The following SST variants were observed in gnomAD, a reference collection of about 807,000 sequenced individuals.
SST encodes the protein growth hormone release-inhibiting factor.
In SST, 7 loss-of-function variants were observed where a neutral mutation model predicts 10.4. The observed-to-expected ratio is 0.67, with a 90% CI of 0.38 to 1.26. The LOEUF (loss-of-function observed/expected upper bound fraction) is 1.26, where lower values mean the gene tolerates loss of function less well. SST is among the 50% of genes most tolerant of loss of function. SST has a pLI of 0.02. For synonymous variants in SST, 63 were observed against 63.9 expected (o/e 0.99, Z 0.07); for missense variants, 145 against 140.8 (o/e 1.03, Z -0.15).
At chr3:187,669,330 A>G in intron 1 of SST, 53 bp from the exon 2 acceptor site, 1 of 1,555,152 alleles carries the variant, frequency 6.4e-7, no homozygotes, top group Non-Finnish European at 8.8e-7. Context: ...GGGGAGGACA[A>G]TGGAAAAAAT....
At chr3:187,669,607 TAA>T (rs1198910869) in intron 1 of SST, among the ~76,000 whole-genome samples, 1 of 151,324 alleles carries the variant, frequency 6.6e-6, no homozygotes, top group African/African-American at 2.4e-5. Flanking sequence ...TCTGGTAAGA[TAA>T]AGTGTGTGCC....
chr3:187,669,991 T>C (rs1421333089), intron 1 of SST, among the ~76,000 whole-genome samples, 163 bp downstream of exon 1: 1 of 152,220 alleles, frequency 6.6e-6, no homozygotes, highest in East Asian at 1.9e-4. Context: ...AAGGGGATTC[T>C]AGCCTTTGAT....
chr3:187,670,380 CCTAA>C lies in SST; in HGVS notation c.-93_-90del. The C allele has an allele frequency of 4.2e-6, 6 of 1,436,880 alleles. No individual in the cohort carries two copies. Among genetic ancestry groups the C allele is most frequent in the Non-Finnish European group, 5.6e-6 (6 of 1,072,164 alleles). 89.0% of individuals were successfully genotyped at this position (1,436,880 alleles called of 1,614,324 possible). ...AGCAGCGATGGCTCCGAACCTCGCT[CCTAA>C]AGCGGCTTGTGTGCTCTCAACCGTC... On this transcript the variant is annotated 5_prime_UTR_variant, in exon 1 of 2. Transcript: ENST00000287641.
intron 1 of SST, 84 bp from the exon 2 acceptor site, chr3:187,669,361 A>G: frequency 7.3e-7 from 1 of 1,366,212 alleles, no homozygotes; most frequent in Non-Finnish European, 1.0e-6. Flanking sequence ...TAAATTAAAG[A>G]ACAGATTTGG....
intron 1 of SST, among the ~76,000 whole-genome samples, chr3:187,669,560 A>ACG (rs59821948): frequency 5.3e-5 from 3 of 56,190 alleles, no homozygotes; most frequent in African/African-American, 9.0e-5. Flanking sequence ...ACACGCACAA[A>ACG]CACACACACA....
rs1717174463 is a variant in SST, at chr3:187,669,027, G to T, written c.*38C>A. 6.3e-7 allele frequency: 1 copy of T among 1,591,040 alleles called. No homozygotes were observed. The stretch of plus-strand genomic sequence containing the variant: ...AGAGAGATGGGGTGTGGGGGCGAGG[G>T]ATCAGAGGTCTGATATGGACAATAC... On this transcript the variant is annotated 3_prime_UTR_variant, in exon 2 of 2. Coordinates refer to ENST00000287641, the MANE Select transcript of SST (RefSeq NM_001048.4).
At chr3:187,669,571 C>A (rs1307054285) in intron 1 of SST, among the ~76,000 whole-genome samples, 65 of 151,734 alleles carry the variant, frequency 4.3e-4, no homozygotes, top group African/African-American at 1.5e-3. Context: ...CACACACACA[C>A]ACACACACAC....
intron 1 of SST, 136 bp from the exon 2 acceptor site, chr3:187,669,413 C>A: frequency 1.3e-6 from 1 of 764,756 alleles, no homozygotes; most frequent in Non-Finnish European, 2.1e-6. Flanking sequence ...CATTTTTTGT[C>A]ACATTTAAAA....
rs371618606 is a variant in SST, at chr3:187,669,734, G to T, written c.138+420C>A. ...TCACAATCTCAAACATACGGCGTTC[G>T]GTCTTTAGATTGCCCCTTTGCCCTA... On this transcript the variant is annotated intron_variant, in intron 1 of 1. Coordinates refer to ENST00000287641, the MANE Select transcript of SST (RefSeq NM_001048.4). 2.0e-4 allele frequency among the ~76,000 whole-genome samples: 30 copies of T among 152,244 alleles called. No individual in the cohort carries two copies. In the East Asian group the frequency reaches 2.5e-3, roughly 13 times the overall value.
At chr3:187,669,679 A>G (rs560746861) in intron 1 of SST, among the ~76,000 whole-genome samples, 1 of 152,234 alleles carries the variant, frequency 6.6e-6, no homozygotes, top group Admixed American at 6.5e-5. Context: ...TACCATTTTT[A>G]CCAAGTAAAC....
Position 187,670,063 on chromosome 3 carries a change from A to T in SST, c.138+91T>A, listed in dbSNP as rs966091996. On this transcript the variant is annotated intron_variant, in intron 1 of 1. Transcript: ENST00000287641. ...AAAAGCACCAAAACTCTTTAGAAGGACTGAGCATCCCTTACGTCCAAACCA... is the reference window on the plus strand; with the variant it reads ...AAAAGCACCAAAACTCTTTAGAAGGTCTGAGCATCCCTTACGTCCAAACCA... The T allele has an allele frequency of 1.3e-5, 18 of 1,388,642 alleles. No homozygotes were observed. In the African/African-American group the frequency reaches 2.5e-4, roughly 19 times the overall value. 86.0% of individuals were successfully genotyped at this position (1,388,642 alleles called of 1,614,324 possible).
rs1717177397 is a variant in SST, at chr3:187,669,152, T to C, written c.264A>G (p.Arg88=). ...EQDEMRLELQ[R]SANSNPAMAP... ...CCATAGCCGGGTTTGAGTTAGCAGA[T>C]CTCTGCAGCTCAAGCCTCATTTCAT... Residue 88 remains arginine, a synonymous_variant, in exon 2 of 2, where the codon AGA becomes AGG. Transcript: ENST00000287641. The C allele has an allele frequency of 1.2e-6, 2 of 1,613,878 alleles. No homozygotes were observed. Among genetic ancestry groups the C allele is most frequent in the Middle Eastern group, 1.6e-4 (1 of 6,062 alleles).
At position 187,669,096 on chromosome 3, in the gene SST, T is replaced by C. The variant is rs746825485; in HGVS notation, c.320A>G (p.Asn107Ser). Residue 107 changes from asparagine to serine, a missense_variant, in exon 2 of 2, where the codon AAT (asparagine) becomes AGT (serine). Physicochemically the swap from Asn to Ser is conservative, Grantham distance 46. Transcript: ENST00000287641. The stretch of plus-strand genomic sequence containing the variant: ...GGATGTGAAAGTCTTCCAGAAGAAA[T>C]TCTTGCAGCCAGCTTTGCGTTCTCG... Reference protein sequence around the residue: ...APRERKAGCKNFFWKTFTSC With the variant: ...APRERKAGCKSFFWKTFTSC The C allele has an allele frequency of 1.9e-6, 3 of 1,613,956 alleles. No individual in the cohort carries two copies. In the Admixed American group the frequency reaches 5.0e-5, roughly 27 times the overall value.
In SST at chr3:187,668,962, C is replaced by T; in HGVS notation, c.*103G>A. On this transcript the variant is annotated 3_prime_UTR_variant, in exon 2 of 2. Transcript: ENST00000287641. ...ATTTTGTATTTACAGTTTTCAGTTT[C>T]TAATGCAAGGGTCTCGCTGAAGACT... The T allele has an allele frequency of 6.6e-6, 7 of 1,057,754 alleles. No individual in the cohort carries two copies. Among genetic ancestry groups the T allele is most frequent in the Non-Finnish European group, 1.0e-5 (7 of 696,096 alleles). 65.5% of individuals were successfully genotyped at this position (1,057,754 alleles called of 1,614,324 possible).
chr3:187,670,108 T>C (rs4988513), intron 1 of SST, 46 bp downstream of exon 1: 201,679 of 1,556,008 alleles, frequency 0.13, 14,724 homozygotes, highest in African/African-American at 0.31. Flanking sequence ...GAGCAAGGCT[T>C]AGGGAGGGCT....
Position 187,669,121 on chromosome 3 carries a change from G to A in SST, c.295C>T (p.Arg99Ter), listed in dbSNP as rs1717176634. Reference protein sequence around the residue: ...SANSNPAMAPRERKAGCKNFF... With the variant: ...SANSNPAMAP ...TTCTTGCAGCCAGCTTTGCGTTCTC[G>A]GGGTGCCATAGCCGGGTTTGAGTTA... Residue 99 changes from arginine (R) to a stop codon, truncating the protein, a stop_gained, in exon 2 of 2, where the codon CGA (arginine) becomes TGA (stop). Transcript: ENST00000287641. LOFTEE classifies it high-confidence loss of function. 2 of 1,613,788 alleles carry A rather than the reference G, an allele frequency of 1.2e-6. No homozygotes were observed. The highest frequency in any genetic ancestry group is 8.5e-7 in the Non-Finnish European group (1 of 1,179,994).
rs143476676 is a variant in SST at position 187,669,068 on chromosome 3, A to G, written c.348T>C (p.Cys116=). 4 of 1,613,776 alleles carry G rather than the reference A, an allele frequency of 2.5e-6. No individual in the cohort carries two copies. The African/African-American group carries it at 5.3e-5, about 22-fold the overall frequency. Residue 116 remains cysteine, a synonymous_variant, in exon 2 of 2, where the codon TGT becomes TGC. Transcript: ENST00000287641. ...TGGACAATACTAGTTAAGAAAGCTAACAGGATGTGAAAGTCTTCCAGAAGA... is the reference window on the plus strand; with the variant it reads ...TGGACAATACTAGTTAAGAAAGCTAGCAGGATGTGAAAGTCTTCCAGAAGA... ...KNFFWKTFTS[C]
intron 1 of SST, among the ~76,000 whole-genome samples, chr3:187,669,735 G>A (rs751368960): frequency 3.3e-5 from 5 of 152,156 alleles, no homozygotes; most frequent in African/African-American, 9.7e-5. Context: ...ACGGCGTTCG[G>A]TCTTTAGATT....
Position 187,670,386 on chromosome 3 carries a change from G to A in SST, c.-95C>T, listed in dbSNP as rs1717211569. 1 of 1,426,734 alleles carries A rather than the reference G, an allele frequency of 7.0e-7. No homozygotes were observed. The highest frequency in any genetic ancestry group is 2.5e-5 in the East Asian group (1 of 39,974). The allele number at this position is 1,426,734 out of a possible 1,614,324, so 88.4% of individuals were successfully genotyped here. ...GATGGCTCCGAACCTCGCTCCTAAA[G>A]CGGCTTGTGTGCTCTCAACCGTCTC... On this transcript the variant is annotated 5_prime_UTR_variant, in exon 1 of 2. Coordinates refer to ENST00000287641, the MANE Select transcript of SST (RefSeq NM_001048.4).
Sources: allele counts gnomAD v4.1 joint callset (sites outside exome capture counted in the v4.1 genomes callset), GRCh38; gene constraint gnomAD v4.1.1; transcripts MANE v1.5; gene names NCBI Gene and HGNC (gene_info 2026-07-23, HGNC 2026-07-21).